The following TRMT11 variants were observed in gnomAD, a reference collection of about 807,000 sequenced individuals.
TRMT11 encodes the protein tRNA methyltransferase 11.
TRMT11 carries 53 observed loss-of-function variants against 62.8 expected under a neutral mutation model. The ratio of observed to expected loss-of-function variants is 0.84; its 90% CI spans 0.68 to 1.06. TRMT11 has a LOEUF of 1.06. Among genes scored for constraint, TRMT11 ranks in the 50% least tolerant of loss-of-function variants. The probability of loss-of-function intolerance (pLI) is 0.00; values close to 1 mark genes in which losing one functional copy is unlikely to be tolerated. For synonymous variants in TRMT11, 188 were observed against 190.3 expected, an observed-to-expected ratio of 0.99 and a Z score of 0.10; for missense variants, 556 against 553.4, an observed-to-expected ratio of 1.00 and a Z score of -0.05.
chr6:126,044,544 C>G (rs1371633696), intron 16 of TRMT11, among the ~76,000 whole-genome samples: 1 of 152,144 alleles, frequency 6.6e-6, no homozygotes, highest in Admixed American at 6.5e-5. Context: ...AGATCTCTTG[C>G]ATTTCTATAT....
intron 17 of TRMT11, among the ~76,000 whole-genome samples, chr6:126,084,158 A>G (rs1292199612): frequency 2.0e-5 from 3 of 152,130 alleles, no homozygotes; most frequent in Non-Finnish European, 4.4e-5. Flanking sequence ...ATTTCTTTAG[A>G]AGTCTCCATA....
At chr6:126,018,988 C>T (rs890440471) in intron 11 of TRMT11, among the ~76,000 whole-genome samples, 1 of 152,072 alleles carries the variant, frequency 6.6e-6, no homozygotes, top group Non-Finnish European at 1.5e-5. Context: ...TTGAGCGATT[C>T]TCCTGCCTCA....
chr6:126,025,205 G>C (rs764698683), intron 12 of TRMT11, among the ~76,000 whole-genome samples: 1 of 152,106 alleles, frequency 6.6e-6, no homozygotes, highest in African/African-American at 2.4e-5. Context: ...GCTTTCCACT[G>C]AGTTTTATTT....
At chr6:126,077,852 G>A (rs1438625677) in intron 17 of TRMT11, among the ~76,000 whole-genome samples, 1 of 152,152 alleles carries the variant, frequency 6.6e-6, no homozygotes, top group Admixed American at 6.5e-5. Flanking sequence ...GCACAGACTA[G>A]AACTCTCAGA....
chr6:126,098,453 A>C (rs1274252684), intron 17 of TRMT11, among the ~76,000 whole-genome samples: 1 of 152,138 alleles, frequency 6.6e-6, no homozygotes, highest in African/African-American at 2.4e-5. Context: ...TTTATAATGG[A>C]AAAGAAGGAA....
chr6:126,148,012 G>A (rs1398888913), intron 21 of TRMT11, among the ~76,000 whole-genome samples: 1 of 152,018 alleles, frequency 6.6e-6, no homozygotes, highest in Admixed American at 6.6e-5. Context: ...AAACCTGCAT[G>A]TTCTGCACAT....
chr6:125,997,441 G>A (rs1252369312), intron 3 of TRMT11, among the ~76,000 whole-genome samples: 1 of 152,212 alleles, frequency 6.6e-6, no homozygotes, highest in Non-Finnish European at 1.5e-5. Context: ...AAGTACCTAG[G>A]AATATGCCTT....
intron 11 of TRMT11, 76 bp downstream of exon 11, chr6:126,013,177 CTCT>C: frequency 7.4e-7 from 1 of 1,351,478 alleles, no homozygotes; most frequent in South Asian, 1.4e-5. Context: ...TTCTCTTTAT[CTCT>C]TCTTGCATTT....
In TRMT11 at chr6:126,052,007, G is replaced by T. The variant is rs1038175716; in HGVS notation, c.*1370-1116G>T. ...TCCCCCAGCATGATATATATATTTG[G>T]CAAAGAGAATTGACATGACCCAATA... On this transcript the variant is annotated intron_variant and NMD_transcript_variant, in intron 16 of 22. Coordinates refer to the TRMT11 transcript ENST00000648977. 2.6e-5 allele frequency among the ~76,000 whole-genome samples: 4 copies of T among 152,112 alleles called. 1 individual carries two copies. In the East Asian group the frequency reaches 7.7e-4, roughly 29 times the overall value.
chr6:126,268,696 C>A, the TRMT11 span, among the ~76,000 whole-genome samples: 1 of 152,124 alleles, frequency 6.6e-6, no homozygotes, highest in Non-Finnish European at 1.5e-5. Context: ...GTGTGATAGA[C>A]ATGTTTGTTA....
intron 17 of TRMT11, among the ~76,000 whole-genome samples, chr6:126,069,902 A>G (rs1776802489): frequency 6.7e-6 from 1 of 150,300 alleles, no homozygotes; most frequent in Admixed American, 6.7e-5. Context: ...AGAATCTGTC[A>G]GCAGAAATGT....
intron 1 of TRMT11, among the ~76,000 whole-genome samples, chr6:126,183,552 G>A (rs1455187981): frequency 6.6e-6 from 1 of 152,174 alleles, no homozygotes; most frequent in Non-Finnish European, 1.5e-5. Context: ...CAGTTTAGAA[G>A]AGTGGAGGGC....
chr6:126,051,829 C>T (rs766764233), intron 16 of TRMT11, among the ~76,000 whole-genome samples: 1 of 152,118 alleles, frequency 6.6e-6, no homozygotes, highest in Non-Finnish European at 1.5e-5. Context: ...AACTGCATAG[C>T]AGGCTTTTGA....
chr6:126,249,000 T>C, the TRMT11 span, among the ~76,000 whole-genome samples: 1 of 152,128 alleles, frequency 6.6e-6, no homozygotes, highest in Non-Finnish European at 1.5e-5. Flanking sequence ...GGGAAAAGTA[T>C]TTTAAATGCC....
intron 1 of TRMT11, chr6:126,198,747 C>A (rs1279919127): frequency 6.6e-6 from 1 of 152,210 alleles, no homozygotes; most frequent in Non-Finnish European, 1.5e-5. Context: ...AAAATAACTG[C>A]TTGCCTTCAT....
the TRMT11 span, among the ~76,000 whole-genome samples, chr6:126,267,337 A>AT: frequency 6.6e-6 from 1 of 152,200 alleles, no homozygotes; most frequent in African/African-American, 2.4e-5. Flanking sequence ...CTCTGTAAGT[A>AT]TTAATTTCAT....
rs115800625 is a variant in TRMT11, at chr6:126,192,074, C to T, written n.144-6725C>T. Among the ~76,000 whole-genome samples, 820 of 152,176 alleles carry T rather than the reference C, an allele frequency of 5.4e-3. 8 individuals are homozygous for T. Among genetic ancestry groups the T allele is most frequent in the African/African-American group, 0.019 (790 of 41,538 alleles). Reference sequence around the variant, plus strand: ...TTTAACAGTATTAATTATCCCAATCCATGAACACAGGATATCTTTCCATAT... The same window carrying T: ...TTTAACAGTATTAATTATCCCAATCTATGAACACAGGATATCTTTCCATAT... On this transcript the variant is annotated intron_variant and non_coding_transcript_variant, in intron 1 of 3. Coordinates refer to the TRMT11 transcript ENST00000444229.
intron 3 of TRMT11, among the ~76,000 whole-genome samples, chr6:126,200,623 C>T (rs577853785): frequency 3.9e-5 from 6 of 152,298 alleles, no homozygotes; most frequent in East Asian, 3.9e-4. Context: ...GGCACAATCT[C>T]GGCTCACTGC....
chr6:126,234,517 C>T, the TRMT11 span, among the ~76,000 whole-genome samples: 1 of 151,928 alleles, frequency 6.6e-6, no homozygotes, highest in Non-Finnish European at 1.5e-5. Flanking sequence ...TGTGTCTTGA[C>T]AGAGAACAGG....
Sources: gnomAD v4.1 joint callset for allele counts (sites outside exome capture counted in the v4.1 genomes callset) on GRCh38, gnomAD v4.1.1 for gene constraint, MANE v1.5 for transcripts, NCBI Gene and HGNC (gene_info 2026-07-23, HGNC 2026-07-21) for gene names.